The following VCP variants were observed in gnomAD, a reference collection of about 807,000 sequenced individuals.
VCP encodes valosin containing protein.
VCP carries 6 observed loss-of-function variants against 85.7 expected under a neutral mutation model. The ratio of observed to expected loss-of-function variants is 0.07; its 90% CI spans 0.04 to 0.14. The LOEUF is 0.14. Ranked by LOEUF, VCP falls within the 10% of genes least tolerant of loss-of-function variation. The pLI is 1.00. For synonymous variants in VCP, 384 were observed against 367.1 expected (o/e 1.05, Z -0.53); for missense variants, 353 against 1,043.4 (o/e 0.34, Z 9.12).
intron 5 of VCP, among the ~76,000 whole-genome samples, chr9:35,064,765 T>C (rs925268439): frequency 6.6e-6 from 1 of 152,248 alleles, no homozygotes; most frequent in African/African-American, 2.4e-5. Flanking sequence ...TCTAGTTTTT[T>C]GAAATTCCTG....
intron 4 of VCP, among the ~76,000 whole-genome samples, chr9:35,066,170 C>T (rs1828825851): frequency 1.3e-5 from 2 of 151,770 alleles, no homozygotes; most frequent in African/African-American, 4.8e-5. Flanking sequence ...ATGGCTCATG[C>T]CTGTAATCCC....
intron 8 of VCP, 29 bp from the exon 9 acceptor site, chr9:35,062,167 T>G: frequency 6.2e-7 from 1 of 1,614,150 alleles, no homozygotes; most frequent in Admixed American, 1.7e-5. Context: ...TGGTCAGAAG[T>G]GAAGTCAGGG....
At chr9:35,064,078 TC>T in intron 6 of VCP, 75 bp downstream of exon 6, 1 of 1,608,536 alleles carries the variant, frequency 6.2e-7, no homozygotes, top group East Asian at 2.2e-5. Context: ...ATGAAAACAG[TC>T]CCAGGATTAG....
chr9:35,061,867 G>C, intron 9 of VCP, 136 bp downstream of exon 9: 1 of 1,532,870 alleles, frequency 6.5e-7, no homozygotes, highest in Non-Finnish European at 8.9e-7. Context: ...GGTCACTCTA[G>C]ACAGGACGTA....
intron 10 of VCP, 93 bp downstream of exon 10, chr9:35,061,484 A>G: frequency 1.6e-6 from 2 of 1,248,586 alleles, no homozygotes; most frequent in East Asian, 2.3e-5. Flanking sequence ...ATCAAAACCC[A>G]TCTCCTCACA....
At position 35,056,801 on chromosome 9, in the gene VCP, T is replaced by C. The variant is rs761773043; in HGVS notation, c.*316A>G. The C allele has an allele frequency of 2.6e-6, 1 of 381,172 alleles. No individual in the cohort carries two copies. The allele number at this position is 381,172 out of a possible 1,614,324, so 23.6% of individuals were successfully genotyped here. On this transcript the variant is annotated 3_prime_UTR_variant, in exon 17 of 17. Coordinates refer to ENST00000358901, the MANE Select transcript of VCP (RefSeq NM_007126.5). Reference sequence around the variant, plus strand: ...GCTTTACTGTGGCAGGTGGCAGTAGTGCCTTGGTTCACACCCCACACAGGT... The same window carrying C: ...GCTTTACTGTGGCAGGTGGCAGTAGCGCCTTGGTTCACACCCCACACAGGT...
rs1372175418 is a variant in VCP, at chr9:35,062,979, A to G, written c.810T>C (p.Asn270=). Residue 270 remains asparagine (N), a splice_region_variant and synonymous_variant, in exon 7 of 17, where the codon AAT becomes AAC. Transcript: ENST00000358901. ...NETGAFFFLI[N]GPEIMSKLAG... is the part of the protein sequence containing the mutation. ...CATAAGATGAACCAAATATCTCACC[A>G]TTGATCAAGAAGAAGAAGGCTCCAG... The G allele has an allele frequency of 5.6e-6, 9 of 1,614,034 alleles. No homozygotes were observed. Among genetic ancestry groups the G allele is most frequent in the Non-Finnish European group, 7.6e-6 (9 of 1,179,978 alleles).
At chr9:35,060,242 C>T (rs1183309004) in intron 13 of VCP, 71 bp downstream of exon 13, 1 of 1,514,912 alleles carries the variant, frequency 6.6e-7, no homozygotes, top group African/African-American at 1.4e-5. Flanking sequence ...TTTCAACCCT[C>T]TTAAAGAAAA....
In VCP at chr9:35,072,428, G is replaced by A. The variant is rs1563983557; in HGVS notation, c.-75C>T. On this transcript the variant is annotated 5_prime_UTR_variant, in exon 1 of 17. Transcript: ENST00000358901. ...TACGAGCGGTGGCAAGCGACCGACTGGGCCGGGGCTCGGCTCTTCCAGGCG... is the reference window on the plus strand; with the variant it reads ...TACGAGCGGTGGCAAGCGACCGACTAGGCCGGGGCTCGGCTCTTCCAGGCG... 4.9e-6 allele frequency: 7 copies of A among 1,426,000 alleles called. No individual in the cohort carries two copies. The highest frequency in any genetic ancestry group is 6.4e-6 in the Non-Finnish European group (7 of 1,093,746). 88.3% of individuals were successfully genotyped at this position (1,426,000 alleles called of 1,614,324 possible). A position where few individuals can be genotyped will look rare whatever the true frequency, so the allele number is the denominator to read the frequency against.
chr9:35,059,783 A>T lies in VCP; in HGVS notation c.1714T>A (p.Cys572Ser). 1.2e-6 allele frequency: 2 copies of T among 1,614,150 alleles called. No homozygotes were observed. The highest frequency in any genetic ancestry group is 1.7e-6 in the Non-Finnish European group (2 of 1,180,034). Residue 572 changes from cysteine (C) to serine (S), a missense_variant, in exon 14 of 17, where the codon TGT (cysteine) becomes AGT (serine). Cys to Ser is a moderately radical substitution (Grantham distance 112). Around this residue, in one of 8 missense-constraint regions of VCP, gnomAD observed 30 missense variants for 192.3 expected, o/e 0.16. Coordinates refer to ENST00000358901, the MANE Select transcript of VCP (RefSeq NM_007126.5). The surrounding 1 kb of genome is among the most constrained non-coding windows in gnomAD (Gnocchi z 4.9). ...IFDKARQAAP[C>S]VLFFDELDSI... is the part of the protein sequence containing the mutation. ...TCCAGCTCATCAAAGAATAGCACAC[A>T]GGGGGCAGCTTGGCGGGCCTGTAGG... is the stretch of plus-strand genomic sequence containing the variant.
rs554311078 is a variant in VCP, at chr9:35,056,180, G to T, written c.*937C>A. Reference sequence around the variant, plus strand: ...TGGGATTTTTAGATGCATTAAAAGAGAGTATAGAGAATATCCACCTGCAAG... The same window carrying T: ...TGGGATTTTTAGATGCATTAAAAGATAGTATAGAGAATATCCACCTGCAAG... On this transcript the variant is annotated 3_prime_UTR_variant, in exon 17 of 17. Transcript: ENST00000358901. 6 of 152,186 alleles carry T rather than the reference G, an allele frequency of 3.9e-5. No homozygotes were observed. The highest frequency in any genetic ancestry group is 1.4e-4 in the African/African-American group (6 of 41,516). The allele number at this position is 152,186 out of a possible 1,614,324, so 9.4% of individuals were successfully genotyped here. A position where few individuals can be genotyped will look rare whatever the true frequency, so the allele number is the denominator to read the frequency against.
rs186590981 is a variant in VCP, at chr9:35,059,407, T to C, written c.2004+86A>G. 1 of 1,563,948 alleles carries C rather than the reference T, an allele frequency of 6.4e-7. No individual in the cohort carries two copies. The highest frequency in any genetic ancestry group is 1.8e-5 in the Admixed American group (1 of 54,630). Reference sequence around the variant, plus strand: ...CCCTTTAGACCAACCCTAACCCCAGTGGAATCTTGTCCAGAAACTAAAGAG... The same window carrying C: ...CCCTTTAGACCAACCCTAACCCCAGCGGAATCTTGTCCAGAAACTAAAGAG... On this transcript the variant is annotated intron_variant, in intron 14 of 16. Transcript: ENST00000358901. This position sits in a 1 kb window ranked among gnomAD's most constrained non-coding sequence, Gnocchi z 4.9.
At chr9:35,068,089 G>A (rs1828868594) in intron 2 of VCP, 26 bp from the exon 3 acceptor site, 2 of 1,613,962 alleles carry the variant, frequency 1.2e-6, no homozygotes, top group Non-Finnish European at 1.7e-6. Context: ...TAAGGCCTTT[G>A]GGTCATTGGG....
At chr9:35,064,359 T>C (rs1172362890) in intron 5 of VCP, 74 bp from the exon 6 acceptor site, 2 of 1,590,782 alleles carry the variant, frequency 1.3e-6, no homozygotes, top group Non-Finnish European at 1.7e-6. Flanking sequence ...CTCTAAATCA[T>C]TCCACTACCT....
chr9:35,059,760 C>T lies in VCP; in HGVS notation c.1737G>A (p.Leu579=), dbSNP rs1199475829. 1 of 1,614,094 alleles carries T rather than the reference C, an allele frequency of 6.2e-7. No individual in the cohort carries two copies. Among genetic ancestry groups the T allele is most frequent in the Non-Finnish European group, 8.5e-7 (1 of 1,180,020 alleles). ...AAPCVLFFDE[L]DSIAKARGGN... ...CTCCACGAGCCTTGGCAATCGAATC[C>T]AGCTCATCAAAGAATAGCACACAGG... Residue 579 remains leucine (L), a synonymous_variant, in exon 14 of 17, where the codon CTG becomes CTA. Coordinates refer to ENST00000358901, the MANE Select transcript of VCP (RefSeq NM_007126.5). This position sits in a 1 kb window ranked among gnomAD's most constrained non-coding sequence, Gnocchi z 4.9.
At position 35,059,953 on chromosome 9, in the gene VCP, T is replaced by C. The variant is rs1034067690; in HGVS notation, c.1696-152A>G. 1.1e-6 allele frequency: 1 copy of C among 941,166 alleles called. No homozygotes were observed. The highest frequency in any genetic ancestry group is 1.6e-6 in the Non-Finnish European group (1 of 619,858). 58.3% of individuals were successfully genotyped at this position (941,166 alleles called of 1,614,324 possible). A position where few individuals can be genotyped will look rare whatever the true frequency, so the allele number is the denominator to read the frequency against. ...TCCGAAACCAGCATGGGCAACATACTGAGACTTTGTCTCTACAAAAAATAA... is the reference window on the plus strand; with the variant it reads ...TCCGAAACCAGCATGGGCAACATACCGAGACTTTGTCTCTACAAAAAATAA... On this transcript the variant is annotated intron_variant, in intron 13 of 16. Transcript: ENST00000358901. This position sits in a 1 kb window ranked among gnomAD's most constrained non-coding sequence, Gnocchi z 4.9.
rs1348341518 is a variant in VCP at position 35,061,693 on chromosome 9, T to A, written c.1082-4A>T. On this transcript the variant is annotated splice_polypyrimidine_tract_variant and splice_region_variant and intron_variant, in intron 9 of 16. Coordinates refer to ENST00000358901, the MANE Select transcript of VCP (RefSeq NM_007126.5). Reference sequence around the variant, plus strand: ...TCTACCTCCCTGTCAAAGCGACCTGTGGGACAGTACACAAACATAAACAGG... The same window carrying A: ...TCTACCTCCCTGTCAAAGCGACCTGAGGGACAGTACACAAACATAAACAGG... 1.1e-6 allele frequency: 1 copy of A among 898,536 alleles called. No homozygotes were observed. Among genetic ancestry groups the A allele is most frequent in the East Asian group, 2.3e-5 (1 of 43,650 alleles). 55.7% of individuals were successfully genotyped at this position (898,536 alleles called of 1,614,324 possible).
chr9:35,058,599 A>G (rs1003078371), intron 15 of VCP, among the ~76,000 whole-genome samples: 6 of 149,300 alleles, frequency 4.0e-5, no homozygotes, highest in Non-Finnish European at 8.9e-5. Context: ...CGTTTCTACT[A>G]AAAAAAAAAT....
At chr9:35,057,576 C>A (rs773373275) in intron 15 of VCP, 46 bp from the exon 16 acceptor site, 4 of 1,600,764 alleles carry the variant, frequency 2.5e-6, no homozygotes, top group South Asian at 1.1e-5. Context: ...AAAGCCCAGC[C>A]TGGATTTCAT....
Sources: allele counts gnomAD v4.1 joint callset (sites outside exome capture counted in the v4.1 genomes callset), GRCh38; gene constraint gnomAD v4.1.1; regional missense constraint gnomAD v4.1.1; non-coding constraint Gnocchi (gnomAD v3.1); transcripts MANE v1.5; gene names NCBI Gene and HGNC (gene_info 2026-07-23, HGNC 2026-07-21).